Variants in ELK1 observed in about 807,000 individuals in gnomAD.
The protein encoded by ELK1 is ETS transcription factor ELK1, also known as ETS domain-containing protein Elk-1.
For missense variants in ELK1, 254 were observed against 381.5 expected, an observed-to-expected ratio of 0.67 and a Z score of 2.78; for synonymous variants, 163 against 176.3, an observed-to-expected ratio of 0.92 and a Z score of 0.60.
intron 2 of ELK1, among the ~76,000 whole-genome samples, chrX:47,641,900 A>G (rs1001269818): frequency 1.8e-5 from 2 of 112,541 alleles, no homozygotes; most frequent in Non-Finnish European, 3.7e-5. Context: ...ATGAAATTCA[A>G]TCTAATCATA....
At chrX:47,650,331 G>T in intron 1 of ELK1, 92 bp downstream of exon 1, 1 of 226,215 alleles carries the variant, frequency 4.4e-6, no homozygotes, top group Non-Finnish European at 8.3e-6. Context: ...AACACCAGCA[G>T]GCCACCGGCC....
In ELK1 at chrX:47,637,109, C is replaced by T. The variant is rs1481999049; in HGVS notation, c.1092G>A (p.Pro364=). 1.7e-6 allele frequency: 2 copies of T among 1,206,465 alleles called. No individual in the cohort carries two copies. Among genetic ancestry groups the T allele is most frequent in the Non-Finnish European group, 1.1e-6 (1 of 893,506 alleles). Residue 364 remains proline (P), a synonymous_variant, in exon 6 of 7, where the codon CCG becomes CCA. Coordinates refer to ENST00000376983, the MANE Select transcript of ELK1 (RefSeq NM_001114123.3). ...PSLLPTHTLT[P]VLLTPSSLPP... ...GCAGCGAGCTGGGTGTCAGCAGCAC[C>T]GGGGTCTGTGGGGAGAGGGTGGTCG...
Position 47,636,730 on chromosome X carries a change from TGA to T in ELK1, c.*97_*98del. 1.2e-6 allele frequency: 1 copy of T among 827,205 alleles called. No individual in the cohort carries two copies. Among genetic ancestry groups the T allele is most frequent in the Non-Finnish European group, 1.7e-6 (1 of 594,958 alleles). 68.2% of individuals were successfully genotyped at this position (827,205 alleles called of 1,213,427 possible). A position where few individuals can be genotyped will look rare whatever the true frequency, so the allele number is the denominator to read the frequency against. On this transcript the variant is annotated 3_prime_UTR_variant, in exon 7 of 7. Transcript: ENST00000376983. Reference sequence around the variant, plus strand: ...TCCCCACCCCACCACAATCAGAGCATGAGTCTTTCAGTTGAACTATGTTTCTC... The same window carrying T: ...TCCCCACCCCACCACAATCAGAGCATGTCTTTCAGTTGAACTATGTTTCTC...
chrX:47,647,664 C>T (rs116314814), intron 2 of ELK1, among the ~76,000 whole-genome samples: 1,305 of 112,335 alleles, frequency 0.012, 20 homozygotes, highest in African/African-American at 0.041. Context: ...CTCAAATTAT[C>T]TTTTTCCCAT....
chrX:47,649,130 G>A (rs1455798530), intron 2 of ELK1: 5 of 111,537 alleles, frequency 4.5e-5, no homozygotes, highest in African/African-American at 1.6e-4. Context: ...TTGTGGTGAG[G>A]ATTAAAGGAA....
rs772662025 is a variant in ELK1, at chrX:47,637,788, G to A, written c.1049C>T (p.Pro350Leu). 21 of 1,195,878 alleles carry A rather than the reference G, an allele frequency of 1.8e-5. No homozygotes were observed. Among genetic ancestry groups the A allele is most frequent in the East Asian group, 3.0e-5 (1 of 33,254 alleles). The change falls in exon 5 of 7, where the codon CCG becomes CTG. Residue 350 changes from proline (P) to leucine (L), a missense_variant. Physicochemically the swap from Pro to Leu is moderately conservative, Grantham distance 98 (BLOSUM62 -3). Coordinates refer to ENST00000376983, the MANE Select transcript of ELK1 (RefSeq NM_001114123.3). Reference sequence around the variant, plus strand: ...AGGAAGCAGGGATGGGGTCAGCGCCGGCCCCGGAGCCTGGAGGCCGGAGCC... The same window carrying A: ...AGGAAGCAGGGATGGGGTCAGCGCCAGCCCCGGAGCCTGGAGGCCGGAGCC... ...GSGSGLQAPGPALTPSLLPTH... is the reference protein window; with the variant it reads ...GSGSGLQAPGLALTPSLLPTH...
Position 47,639,329 on chromosome X carries a change from G to A in ELK1, c.220C>T (p.Arg74Cys). Residue 74 changes from arginine to cysteine, a missense_variant, in exon 4 of 7, where the codon CGC (arginine) becomes TGC (cysteine). Transcript: ENST00000376983. ...LRYYYDKNII[R>C]KVSGQKFVYK... Reference sequence around the variant, plus strand: ...ACGAACTTCTGGCCGCTCACCTTGCGGATGATGTTCTAGGAAGGGAGGAGA... The same window carrying A: ...ACGAACTTCTGGCCGCTCACCTTGCAGATGATGTTCTAGGAAGGGAGGAGA... 2 of 1,204,710 alleles carry A rather than the reference G, an allele frequency of 1.7e-6. No homozygotes were observed. Among genetic ancestry groups the A allele is most frequent in the Non-Finnish European group, 2.2e-6 (2 of 892,290 alleles).
At position 47,636,483 on chromosome X, in the gene ELK1, TGGG is replaced by T; in HGVS notation, c.*343_*345del. On this transcript the variant is annotated 3_prime_UTR_variant, in exon 7 of 7. Coordinates refer to ENST00000376983, the MANE Select transcript of ELK1 (RefSeq NM_001114123.3). ...GATTGTCTTGTCTTGGGGAAAAAAG[TGGG>T]GAGGTGGGGGAGATGTCCTAACCAC... is the stretch of plus-strand genomic sequence containing the variant. The T allele has an allele frequency of 5.6e-6, 1 of 177,845 alleles. No individual in the cohort carries two copies. The allele number at this position is 177,845 out of a possible 1,213,427, so 14.7% of individuals were successfully genotyped here.
intron 4 of ELK1, 62 bp from the exon 5 acceptor site, chrX:47,638,244 G>A: frequency 1.7e-6 from 2 of 1,157,484 alleles, no homozygotes; most frequent in South Asian, 3.8e-5. Flanking sequence ...GGATTCTCCT[G>A]TGGGCCACCC....
rs1177937867 is a variant in ELK1 at position 47,640,567 on chromosome X, T to G, written c.210+665A>C. ...GGCAGGATGGGGGAAATTTTAAATT[T>G]TAGCTGTAGGAATAAGATAATGAAA... On this transcript the variant is annotated intron_variant, in intron 3 of 6. Transcript: ENST00000376983. Among the ~76,000 whole-genome samples the G allele has an allele frequency of 2.7e-5, 3 of 111,084 alleles. No homozygotes were observed. In the East Asian group the frequency reaches 8.4e-4, roughly 31 times the overall value.
intron 2 of ELK1, among the ~76,000 whole-genome samples, chrX:47,648,049 C>T (rs191064041): frequency 1.6e-3 from 180 of 112,090 alleles, no homozygotes; most frequent in Admixed American, 2.6e-3. Context: ...TACCCAGGTA[C>T]AACAAAATCA....
chrX:47,639,408 G>T, intron 3 of ELK1, 70 bp from the exon 4 acceptor site: 2 of 899,031 alleles, frequency 2.2e-6, no homozygotes, highest in Non-Finnish European at 3.2e-6. Context: ...TGTCAGGGGG[G>T]AGGAGGGGGG....
intron 4 of ELK1, among the ~76,000 whole-genome samples, chrX:47,638,598 A>G (rs915025020): frequency 2.2e-4 from 25 of 112,128 alleles, no homozygotes; most frequent in African/African-American, 7.8e-4. Flanking sequence ...TGGTTTAACA[A>G]GACCTACAGG....
At position 47,641,496 on chromosome X, in the gene ELK1, T is replaced by C. The variant is rs993491302; in HGVS notation, c.-34-21A>G. On this transcript the variant is annotated intron_variant, in intron 2 of 6. Coordinates refer to ENST00000376983, the MANE Select transcript of ELK1 (RefSeq NM_001114123.3). The stretch of plus-strand genomic sequence containing the variant: ...GGTACCTGGAGAGCAAACAGCTGAG[T>C]TGAGAGGCTGTGGACATAGGAGGGG... The C allele has an allele frequency of 1.6e-5, 18 of 1,130,036 alleles. No individual in the cohort carries two copies. The East Asian group carries it at 5.4e-4, about 34-fold the overall frequency. The allele number at this position is 1,130,036 out of a possible 1,213,427, so 93.1% of individuals were successfully genotyped here. A position where few individuals can be genotyped will look rare whatever the true frequency, so the allele number is the denominator to read the frequency against.
intron 5 of ELK1, 100 bp from the exon 6 acceptor site, chrX:47,637,214 C>A: frequency 1.2e-6 from 1 of 818,808 alleles, no homozygotes; most frequent in Non-Finnish European, 1.8e-6. Flanking sequence ...CCCACTCACA[C>A]TCCCAGGGTC....
Position 47,637,839 on chromosome X carries a change from G to A in ELK1, c.998C>T (p.Pro333Leu). The A allele has an allele frequency of 3.3e-6, 4 of 1,197,605 alleles. No homozygotes were observed. In the African/African-American group the frequency reaches 6.9e-5, roughly 21 times the overall value. ...ACTTCCCGATCCTGGGGTCCGTTCG[G>A]GTCCCGGCCCACCTAGCAGGCTCGG... ...LSPSLLGGPGPERTPGSGSGS... is the reference protein window; with the variant it reads ...LSPSLLGGPGLERTPGSGSGS... The change falls in exon 5 of 7, where the codon CCC becomes CTC. Residue 333 changes from proline (P) to leucine (L), a missense_variant. By Grantham distance (98) the Pro-to-Leu change is moderately conservative. Coordinates refer to ENST00000376983, the MANE Select transcript of ELK1 (RefSeq NM_001114123.3).
At position 47,638,108 on chromosome X, in the gene ELK1, A is replaced by T. The variant is rs1245777151; in HGVS notation, c.729T>A (p.Ala243=). ...CTTCTACTTTCACTTCTGGGGGCAA[A>T]GCCCGGCCCAAACCCGGCTCCACAT... The part of the protein sequence containing the change: ...ELNVEPGLGR[A]LPPEVKVEGP... The change falls in exon 5 of 7, where the codon GCT becomes GCA. Residue 243 remains alanine, a synonymous_variant. Coordinates refer to ENST00000376983, the MANE Select transcript of ELK1 (RefSeq NM_001114123.3). 8.3e-7 allele frequency: 1 copy of T among 1,210,441 alleles called. No homozygotes were observed. Among genetic ancestry groups the T allele is most frequent in the Non-Finnish European group, 1.1e-6 (1 of 895,012 alleles).
chrX:47,640,661 T>C (rs913871501), intron 3 of ELK1, among the ~76,000 whole-genome samples: 3 of 111,579 alleles, frequency 2.7e-5, no homozygotes, highest in Non-Finnish European at 3.8e-5. Context: ...GTGTGGAAGT[T>C]GGCATTAAAC....
rs2058057358 is a variant in ELK1 at position 47,650,195 on chromosome X, G to A, written c.-140-169C>T. On this transcript the variant is annotated intron_variant, in intron 1 of 6. Transcript: ENST00000376983. ...TTGGCGTGGGGAAAAACATAAGCAC[G>A]CAGACCGATCCATTATACAACGGGA... Among the ~76,000 whole-genome samples the A allele has an allele frequency of 4.5e-5, 5 of 110,165 alleles. No homozygotes were observed. In the South Asian group the frequency reaches 1.9e-3, roughly 43 times the overall value.
Sources: gnomAD v4.1 joint callset for allele counts (sites outside exome capture counted in the v4.1 genomes callset) on GRCh38, gnomAD v4.1.1 for gene constraint, MANE v1.5 for transcripts, NCBI Gene and HGNC (gene_info 2026-07-23, HGNC 2026-07-21) for gene names.